UNC79: variants seen among roughly 807,000 people sequenced by gnomAD.
UNC79 encodes the protein protein unc-79 homolog.
In UNC79, 37 loss-of-function variants were observed where a neutral mutation model predicts 283.1. The ratio of observed to expected loss-of-function variants is 0.13; its 90% confidence interval spans 0.10 to 0.17. The LOEUF is 0.17. Among genes scored for constraint, UNC79 ranks in the 10% least tolerant of loss-of-function variants. UNC79 has a pLI of 1.00. For synonymous variants in UNC79, 1,107 were observed against 1,200.2 expected (o/e 0.92, Z 1.61); for missense variants, 2,272 against 3,211.1 (o/e 0.71, Z 7.07).
At chr14:93,552,154 A>G (rs921754062) in intron 14 of UNC79, among the ~76,000 whole-genome samples, 3 of 152,242 alleles carry the variant, frequency 2.0e-5, no homozygotes, top group Non-Finnish European at 2.9e-5. Context: ...TAATAATGCT[A>G]TGAGAAGAAA....
intron 1 of UNC79, among the ~76,000 whole-genome samples, chr14:93,407,178 C>T (rs1340126168): frequency 6.6e-6 from 1 of 152,136 alleles, no homozygotes; most frequent in African/African-American, 2.4e-5. Flanking sequence ...AACTTGATTA[C>T]ATCTGCAAAG....
At chr14:93,340,617 C>T (rs982213305) in intron 1 of UNC79, among the ~76,000 whole-genome samples, 4 of 149,656 alleles carry the variant, frequency 2.7e-5, no homozygotes, top group African/African-American at 4.9e-5. Context: ...GTTTCCCAGG[C>T]TGGTGTGCAG....
chr14:93,434,019 G>A (rs1340400313), intron 1 of UNC79, among the ~76,000 whole-genome samples: 1 of 152,086 alleles, frequency 6.6e-6, no homozygotes, highest in Non-Finnish European at 1.5e-5. Flanking sequence ...TTCGAGACCA[G>A]CCTGACCAAC....
chr14:93,628,533 A>G (rs567522183), intron 30 of UNC79, among the ~76,000 whole-genome samples: 1 of 152,206 alleles, frequency 6.6e-6, no homozygotes, highest in South Asian at 2.1e-4. Flanking sequence ...ATTCACTTTT[A>G]TGCGTATGAA....
chr14:93,639,194 A>G (rs1241718637), intron 32 of UNC79, among the ~76,000 whole-genome samples: 1 of 152,220 alleles, frequency 6.6e-6, no homozygotes, highest in African/African-American at 2.4e-5. Context: ...AGGTTTTTTA[A>G]TTAAAAAATC....
intron 17 of UNC79, among the ~76,000 whole-genome samples, chr14:93,576,926 G>T (rs1282360542): frequency 6.6e-6 from 1 of 152,136 alleles, no homozygotes; most frequent in Non-Finnish European, 1.5e-5. Context: ...TGGGAGGATT[G>T]CTTGAGTCCA....
chr14:93,436,267 C>G (rs2056082414), intron 1 of UNC79, among the ~76,000 whole-genome samples: 1 of 152,062 alleles, frequency 6.6e-6, no homozygotes, highest in African/African-American at 2.4e-5. Context: ...GCATGCTTTT[C>G]AAATGGATTT....
At chr14:93,693,035 A>G (rs1306640058) in intron 46 of UNC79, among the ~76,000 whole-genome samples, 1 of 152,228 alleles carries the variant, frequency 6.6e-6, no homozygotes, top group African/African-American at 2.4e-5. Context: ...TTTAATTGAT[A>G]GAATAATAGT....
At chr14:93,347,364 GC>G in intron 1 of UNC79, 3 of 1,573,918 alleles carry the variant, frequency 1.9e-6, no homozygotes, top group Non-Finnish European at 1.7e-6. Flanking sequence ...CCCACTCGGG[GC>G]CCCCGCGCCA....
intron 1 of UNC79, among the ~76,000 whole-genome samples, chr14:93,409,010 A>G (rs2055283181): frequency 6.6e-6 from 1 of 152,234 alleles, no homozygotes; most frequent in Admixed American, 6.5e-5. Context: ...TTGTCAATAA[A>G]ATTAGGAATA....
intron 14 of UNC79, among the ~76,000 whole-genome samples, chr14:93,556,676 T>C (rs938071269): frequency 8.1e-6 from 1 of 123,872 alleles, no homozygotes; most frequent in Non-Finnish European, 1.7e-5. Context: ...AACAATTCAA[T>C]TGACTGAGAA....
chr14:93,463,404 TG>T (rs1405140769), intron 1 of UNC79, among the ~76,000 whole-genome samples: 1 of 152,138 alleles, frequency 6.6e-6, no homozygotes, highest in Non-Finnish European at 1.5e-5. Context: ...TTCATCATCT[TG>T]GCTCTGAAGG....
At chr14:93,704,518 C>A in intron 47 of UNC79, 107 bp from the exon 51 acceptor site, 1 of 1,284,904 alleles carries the variant, frequency 7.8e-7, no homozygotes, top group South Asian at 1.2e-5. Context: ...CACATCCGTG[C>A]GCGACGTGAA....
At position 93,496,404 on chromosome 14, in the gene UNC79, A is replaced by G. The variant is rs755889649; in HGVS notation, c.713-7A>G. The G allele has an allele frequency of 6.5e-7, 1 of 1,532,914 alleles. No individual in the cohort carries two copies. The allele number at this position is 1,532,914 out of a possible 1,614,324, so 95.0% of individuals were successfully genotyped here. A position where few individuals can be genotyped will look rare whatever the true frequency, so the allele number is the denominator to read the frequency against. On this transcript the variant is annotated splice_region_variant and splice_polypyrimidine_tract_variant and intron_variant, in intron 5 of 48. Transcript: ENST00000555664. ...TTCATGTATGAATTACATTTTCTAC[A>G]TTACAGTGTATCATTGTCAATTACT...
At chr14:93,354,673 C>CT (rs951486971) in intron 1 of UNC79, among the ~76,000 whole-genome samples, 2 of 151,364 alleles carry the variant, frequency 1.3e-5, no homozygotes, top group Non-Finnish European at 1.5e-5. Flanking sequence ...AATTAAAAAA[C>CT]TTTTTTTTTG....
chr14:93,471,358 A>G (rs939062122), intron 2 of UNC79, among the ~76,000 whole-genome samples: 1 of 152,132 alleles, frequency 6.6e-6, no homozygotes, highest in African/African-American at 2.4e-5. Flanking sequence ...CCTCACACCA[A>G]CAGAGGTCTT....
Position 93,394,990 on chromosome 14 carries a change from G to A in UNC79, c.-351+61467G>A, listed in dbSNP as rs577959303. The stretch of plus-strand genomic sequence containing the variant: ...GGCCTCCCAAAGCATTGGGCTTACA[G>A]ACATGAGCCACTTCACCTGGCCTGT... On this transcript the variant is annotated intron_variant, in intron 1 of 49. Coordinates refer to the UNC79 transcript ENST00000256339. Among the ~76,000 whole-genome samples the A allele has an allele frequency of 4.8e-3, 730 of 152,304 alleles. 4 individuals are homozygous for A. Among genetic ancestry groups the A allele is most frequent in the African/African-American group, 0.016 (684 of 41,572 alleles).
intron 1 of UNC79, among the ~76,000 whole-genome samples, chr14:93,458,882 G>A (rs1239668064): frequency 3.3e-5 from 5 of 152,184 alleles, no homozygotes; most frequent in Non-Finnish European, 1.5e-5. Context: ...TTGCACACAT[G>A]AAACTAATTT....
chr14:93,406,740 ACTCAT>A (rs1315786284), intron 1 of UNC79, among the ~76,000 whole-genome samples: 1 of 152,074 alleles, frequency 6.6e-6, no homozygotes. Flanking sequence ...GGAAGTTATC[ACTCAT>A]CTCATAATAA....
Sources: gnomAD v4.1 joint callset for allele counts (sites outside exome capture counted in the v4.1 genomes callset) on GRCh38, gnomAD v4.1.1 for gene constraint, MANE v1.5 for transcripts, NCBI Gene and HGNC (gene_info 2026-07-23, HGNC 2026-07-21) for gene names.